The following TENT4A variants were observed in gnomAD, a reference collection of about 807,000 sequenced individuals.
The protein encoded by TENT4A is terminal nucleotidyltransferase 4A.
A neutral mutation model predicts 72.8 loss-of-function variants in TENT4A; 7 were observed. The observed-to-expected ratio is 0.10, with a 90% CI of 0.05 to 0.18. The LOEUF is 0.18. Among genes scored for constraint, TENT4A ranks in the 10% least tolerant of loss-of-function variants. The pLI is 1.00. For synonymous variants in TENT4A, 456 were observed against 434.3 expected, an observed-to-expected ratio of 1.05 and a Z score of -0.62; for missense variants, 831 against 1,017.7, an observed-to-expected ratio of 0.82 and a Z score of 2.50.
At position 6,713,718 on chromosome 5, in the gene TENT4A, C is replaced by T. The variant is rs1033662616; in HGVS notation, c.-266C>T. 1.5e-3 allele frequency: 224 copies of T among 146,266 alleles called. 2 individuals are homozygous for T. Among genetic ancestry groups the T allele is most frequent in the Non-Finnish European group, 1.1e-3 (73 of 65,538 alleles). 9.1% of individuals were successfully genotyped at this position (146,266 alleles called of 1,614,324 possible). A position where few individuals can be genotyped will look rare whatever the true frequency, so the allele number is the denominator to read the frequency against. On this transcript the variant is annotated 5_prime_UTR_variant, in exon 1 of 13. Coordinates refer to ENST00000230859, the MANE Select transcript of TENT4A (RefSeq NM_006999.6). The stretch of plus-strand genomic sequence containing the variant: ...CGGGAGCCCGGAGACCGCAGCCGCC[C>T]GCTGGGACGCGCCAAGCGCCGGAGC...
In TENT4A at chr5:6,742,951, C is replaced by G. The variant is rs193107567; in HGVS notation, c.1116+354C>G. ...AATCATGAGGTGCCTTAAATATACT[C>G]ACTTTGGGAGGTCTCAGTGCCTGAG... On this transcript the variant is annotated intron_variant, in intron 5 of 12. Transcript: ENST00000230859. Among the ~76,000 whole-genome samples the G allele has an allele frequency of 1.9e-4, 29 of 151,402 alleles. No homozygotes were observed. In the East Asian group the frequency reaches 5.4e-3, roughly 28 times the overall value.
rs752040200 is a variant in TENT4A, at chr5:6,748,622, G to C, written c.1586+32G>C. The C allele has an allele frequency of 4.7e-5, 75 of 1,595,674 alleles. No homozygotes were observed. In the South Asian group the frequency reaches 6.4e-4, roughly 14 times the overall value. ...GGTTGTGTGTCTGCGTCTGGGCTCA[G>C]CGTGCCTGTGGGATGGTACTTATCC... On this transcript the variant is annotated intron_variant, in intron 8 of 12. Transcript: ENST00000230859.
chr5:6,726,083 C>G (rs1267579371), intron 1 of TENT4A, among the ~76,000 whole-genome samples: 3 of 152,148 alleles, frequency 2.0e-5, no homozygotes, highest in Non-Finnish European at 4.4e-5. Context: ...GTGTTTGTGT[C>G]CGTGAATTTT....
At chr5:6,719,372 A>C (rs1021505667) in intron 1 of TENT4A, among the ~76,000 whole-genome samples, 4 of 152,216 alleles carry the variant, frequency 2.6e-5, no homozygotes, top group Admixed American at 6.5e-5. Flanking sequence ...AGAAAAAAAA[A>C]CAGCAAACCT....
chr5:6,742,024 T>C (rs1417220634), intron 4 of TENT4A, among the ~76,000 whole-genome samples: 1 of 152,232 alleles, frequency 6.6e-6, no homozygotes, highest in East Asian at 1.9e-4. Context: ...AAAAATTTTT[T>C]TAGTAAAGTT....
At chr5:6,725,269 C>T (rs969591220) in intron 1 of TENT4A, among the ~76,000 whole-genome samples, 5 of 151,706 alleles carry the variant, frequency 3.3e-5, no homozygotes, top group African/African-American at 9.7e-5. Context: ...TGCAGTGAGC[C>T]GAGATCACAC....
At chr5:6,725,514 G>A (rs896977062) in intron 1 of TENT4A, among the ~76,000 whole-genome samples, 1 of 152,180 alleles carries the variant, frequency 6.6e-6, no homozygotes, top group African/African-American at 2.4e-5. Context: ...CAAACAGGAG[G>A]ACCTGGTGCT....
At chr5:6,723,348 G>A (rs1337519341) in intron 1 of TENT4A, among the ~76,000 whole-genome samples, 1 of 152,154 alleles carries the variant, frequency 6.6e-6, no homozygotes, top group Non-Finnish European at 1.5e-5. Context: ...TGGTGCAGAC[G>A]GTCACTTCCT....
intron 1 of TENT4A, among the ~76,000 whole-genome samples, chr5:6,721,707 G>C (rs1268647874): frequency 2.6e-5 from 4 of 152,208 alleles, no homozygotes; most frequent in Non-Finnish European, 5.9e-5. Context: ...TTGGCTGACA[G>C]GGTGGGCGAG....
At chr5:6,727,637 C>T (rs993389575) in intron 1 of TENT4A, among the ~76,000 whole-genome samples, 1 of 152,326 alleles carries the variant, frequency 6.6e-6, no homozygotes, top group East Asian at 1.9e-4. Flanking sequence ...TTACCTTTCC[C>T]ATCTCAGCCT....
intron 5 of TENT4A, 151 bp downstream of exon 5, chr5:6,742,748 C>G: frequency 1.7e-6 from 1 of 577,314 alleles, no homozygotes; most frequent in Non-Finnish European, 3.1e-6. Flanking sequence ...AATATTATTT[C>G]TAGAGATACT....
rs757369788 is a variant in TENT4A at position 6,748,635 on chromosome 5, A to T, written c.1586+45A>T. ...CGTCTGGGCTCAGCGTGCCTGTGGG[A>T]TGGTACTTATCCCTTTCCTGTGTCA... is the stretch of plus-strand genomic sequence containing the variant. On this transcript the variant is annotated intron_variant, in intron 8 of 12. Transcript: ENST00000230859. The T allele has an allele frequency of 3.8e-6, 6 of 1,585,858 alleles. No individual in the cohort carries two copies. In the East Asian group the frequency reaches 1.1e-4, roughly 30 times the overall value.
intron 1 of TENT4A, among the ~76,000 whole-genome samples, chr5:6,718,657 C>A (rs920120322): frequency 6.6e-6 from 1 of 152,232 alleles, no homozygotes; most frequent in Non-Finnish European, 1.5e-5. Context: ...GAGTTAATTT[C>A]ATCAATTAAC....
Position 6,754,791 on chromosome 5 carries a change from G to A in TENT4A, c.2225G>A (p.Gly742Asp). The A allele has an allele frequency of 6.3e-7, 1 of 1,599,868 alleles. No individual in the cohort carries two copies. Among genetic ancestry groups the A allele is most frequent in the East Asian group, 2.3e-5 (1 of 44,326 alleles). ...AAACTGTCCATGAAGGGCTCTCACGGCCACACCCAAGGCGGCGGCTACAGC... is the reference window on the plus strand; with the variant it reads ...AAACTGTCCATGAAGGGCTCTCACGACCACACCCAAGGCGGCGGCTACAGC... The part of the protein sequence containing the change: ...GMKLSMKGSH[G>D]HTQGGGYSSV... Residue 742 changes from glycine to aspartate, a missense_variant, in exon 13 of 13, where the codon GGC (glycine) becomes GAC (aspartate). Around this residue, in one of 3 missense-constraint regions of TENT4A, gnomAD observed 332 missense variants for 324.3 expected, o/e 1.02. Coordinates refer to ENST00000230859, the MANE Select transcript of TENT4A (RefSeq NM_006999.6).
At chr5:6,719,392 A>C (rs1740539400) in intron 1 of TENT4A, among the ~76,000 whole-genome samples, 1 of 152,234 alleles carries the variant, frequency 6.6e-6, no homozygotes. Context: ...TTGATATTCA[A>C]ATTCAGAAAC....
chr5:6,754,771 G>A lies in TENT4A; in HGVS notation c.2205G>A (p.Leu735=). 6.3e-7 allele frequency: 1 copy of A among 1,591,632 alleles called. No homozygotes were observed. The highest frequency in any genetic ancestry group is 8.6e-7 in the Non-Finnish European group (1 of 1,162,560). ...TCCAGCAGCACAACGGCATGAAACT[G>A]TCCATGAAGGGCTCTCACGGCCACA... ...LYHKQHNGMK[L]SMKGSHGHTQ... Residue 735 remains leucine (L), a synonymous_variant, in exon 13 of 13, where the codon CTG becomes CTA. Coordinates refer to ENST00000230859, the MANE Select transcript of TENT4A (RefSeq NM_006999.6).
At chr5:6,754,714 G>C in intron 12 of TENT4A, 37 bp from the exon 13 acceptor site, 1 of 1,517,314 alleles carries the variant, frequency 6.6e-7, no homozygotes, top group Non-Finnish European at 8.9e-7. Context: ...TGTGCCTGCT[G>C]TCTGGCTCCA....
intron 1 of TENT4A, among the ~76,000 whole-genome samples, chr5:6,721,522 C>T (rs1196320406): frequency 6.6e-6 from 1 of 152,128 alleles, no homozygotes; most frequent in East Asian, 1.9e-4. Context: ...GTTAGAAAGC[C>T]TGGAGAAGTA....
At position 6,714,454 on chromosome 5, in the gene TENT4A, C is replaced by T. The variant is rs1740256225; in HGVS notation, c.471C>T (p.Pro157=). 3.7e-5 allele frequency: 44 copies of T among 1,177,116 alleles called. 1 individual carries two copies. In the South Asian group the frequency reaches 1.1e-3, roughly 30 times the overall value. 72.9% of individuals were successfully genotyped at this position (1,177,116 alleles called of 1,614,324 possible). A position where few individuals can be genotyped will look rare whatever the true frequency, so the allele number is the denominator to read the frequency against. ...TCTTCAACTTCGCCGACGGCGCGCC[C>T]AGCGCCCCTGGCACAGCCAACGGGC... ...GAFFNFADGA[P]SAPGTANGHP... The change falls in exon 1 of 13, where the codon CCC becomes CCT. Residue 157 remains proline, a synonymous_variant. Transcript: ENST00000230859.
Sources: gnomAD v4.1 joint callset for allele counts (sites outside exome capture counted in the v4.1 genomes callset) on GRCh38, gnomAD v4.1.1 for gene constraint, gnomAD v4.1.1 regional missense constraint, MANE v1.5 for transcripts, NCBI Gene and HGNC (gene_info 2026-07-23, HGNC 2026-07-21) for gene names.